Variants in ASXL3 observed in about 807,000 individuals in gnomAD.
ASXL3 encodes putative Polycomb group protein ASXL3.
In ASXL3, 34 loss-of-function variants were observed where a neutral mutation model predicts 170.6. The ratio of observed to expected loss-of-function variants is 0.20; its 90% CI spans 0.15 to 0.27. The LOEUF is 0.27. Ranked by LOEUF, ASXL3 falls within the 10% of genes least tolerant of loss-of-function variation. ASXL3 has a pLI of 1.00. For missense variants in ASXL3, 2,592 were observed against 2,695.3 expected, an observed-to-expected ratio of 0.96 and a Z score of 0.85; for synonymous variants, 1,002 against 989.1, an observed-to-expected ratio of 1.01 and a Z score of -0.24.
At chr18:33,690,274 G>T (rs2066666721) in intron 8 of ASXL3, 1 of 152,106 alleles carries the variant, frequency 6.6e-6, no homozygotes, top group Non-Finnish European at 1.5e-5. Context: ...AAGAAGCCAT[G>T]GTTCCCATTA....
chr18:33,674,558 A>T (rs983618211), intron 7 of ASXL3, among the ~76,000 whole-genome samples: 4 of 152,310 alleles, frequency 2.6e-5, no homozygotes, highest in African/African-American at 9.6e-5. Flanking sequence ...GCAGTAGAAA[A>T]TGAAAAAACA....
At position 33,732,145 on chromosome 18, in the gene ASXL3, A is replaced by G. The variant is rs1359201829; in HGVS notation, c.976+81A>G. 4.6e-6 allele frequency: 5 copies of G among 1,079,598 alleles called. No homozygotes were observed. The South Asian group carries it at 6.7e-5, about 14-fold the overall frequency. 66.9% of individuals were successfully genotyped at this position (1,079,598 alleles called of 1,614,324 possible). ...AGCTTGTACCTTTCTCTGATTTTTC[A>G]GTCTTTTCCCCGACACAGTACACTT... is the stretch of plus-strand genomic sequence containing the variant. On this transcript the variant is annotated intron_variant, in intron 9 of 11. Transcript: ENST00000269197.
chr18:33,746,760 G>GA lies in ASXL3; in HGVS notation c.*166dup. On this transcript the variant is annotated 3_prime_UTR_variant, in exon 12 of 12. Transcript: ENST00000269197. ...ATTTTCTTGCATTTCTCATAAAGGGGAGGATGCATCCCAACTGAATGGCTC... is the reference window on the plus strand; with the variant it reads ...ATTTTCTTGCATTTCTCATAAAGGGGAAGGATGCATCCCAACTGAATGGCTC... 4 of 1,158,048 alleles carry GA rather than the reference G, an allele frequency of 3.5e-6. No individual in the cohort carries two copies. The highest frequency in any genetic ancestry group is 4.7e-6 in the Non-Finnish European group (4 of 859,560). 71.7% of individuals were successfully genotyped at this position (1,158,048 alleles called of 1,614,324 possible).
In ASXL3 at chr18:33,661,763, G is replaced by T. The variant is rs758482621; in HGVS notation, c.477+26G>T. On this transcript the variant is annotated intron_variant, in intron 5 of 11. Coordinates refer to ENST00000269197, the MANE Select transcript of ASXL3 (RefSeq NM_030632.3). ...GTAAGATAGCTGCCATTTATTCTTTGTCCTTCAGTTCTGCATACTTAAGGT... is the reference window on the plus strand; with the variant it reads ...GTAAGATAGCTGCCATTTATTCTTTTTCCTTCAGTTCTGCATACTTAAGGT... The T allele has an allele frequency of 8.1e-6, 13 of 1,607,168 alleles. No individual in the cohort carries two copies. The African/African-American group carries it at 1.5e-4, about 18-fold the overall frequency.
At chr18:33,729,908 C>G (rs540973721) in intron 8 of ASXL3, among the ~76,000 whole-genome samples, 10 of 152,234 alleles carry the variant, frequency 6.6e-5, no homozygotes, top group African/African-American at 2.4e-4. Context: ...GTTCCCAACA[C>G]CCTTCTGTCC....
intron 2 of ASXL3, among the ~76,000 whole-genome samples, chr18:33,617,269 A>G (rs141159459): frequency 1.2e-3 from 181 of 152,178 alleles, no homozygotes; most frequent in African/African-American, 4.0e-3. Flanking sequence ...GGGTGGGCGT[A>G]TTGCTTAAGG....
chr18:33,635,732 CA>C (rs897836454), intron 2 of ASXL3, among the ~76,000 whole-genome samples: 4 of 152,094 alleles, frequency 2.6e-5, no homozygotes, highest in South Asian at 2.1e-4. Flanking sequence ...GCAGGGTATG[CA>C]AATATAAGAT....
At chr18:33,726,586 AGTTTGGATT>A (rs1248055878) in intron 8 of ASXL3, among the ~76,000 whole-genome samples, 2 of 152,196 alleles carry the variant, frequency 1.3e-5, no homozygotes, top group Non-Finnish European at 2.9e-5. Context: ...TATTTTCGAT[AGTTTGGATT>A]AAGAAAATGC....
At position 33,744,758 on chromosome 18, in the gene ASXL3, G is replaced by A. The variant is rs368518190; in HGVS notation, c.4910G>A (p.Ser1637Asn). The change falls in exon 12 of 12, where the codon AGC (serine) becomes AAC (asparagine). Residue 1637 changes from serine to asparagine, a missense_variant. By Grantham distance (46) the Ser-to-Asn change is conservative. Around this residue, in one of 4 missense-constraint regions of ASXL3, gnomAD observed 2,246 missense variants for 2,219.6 expected, o/e 1.01. Coordinates refer to ENST00000269197, the MANE Select transcript of ASXL3 (RefSeq NM_030632.3). ...AAACAAAAAGAATATCTAGAGCAAA[G>A]CTGTCCAAAGGCTATCAAAACTGAA... ...SSKQKEYLEQ[S>N]CPKAIKTEHA... The A allele has an allele frequency of 6.2e-7, 1 of 1,614,014 alleles. No homozygotes were observed. Among genetic ancestry groups the A allele is most frequent in the South Asian group, 1.1e-5 (1 of 91,084 alleles).
In ASXL3 at chr18:33,596,969, C is replaced by T. The variant is rs145141285; in HGVS notation, c.55-10625C>T. Among the ~76,000 whole-genome samples the T allele has an allele frequency of 4.6e-5, 7 of 152,190 alleles. No individual in the cohort carries two copies. In the South Asian group the frequency reaches 8.3e-4, roughly 18 times the overall value. Reference sequence around the variant, plus strand: ...TAGCTAGGACTAGCACGTGCCACCACGCTTGGCTAATTTTTTTATCTTTTT... The same window carrying T: ...TAGCTAGGACTAGCACGTGCCACCATGCTTGGCTAATTTTTTTATCTTTTT... On this transcript the variant is annotated intron_variant, in intron 1 of 11. Coordinates refer to ENST00000269197, the MANE Select transcript of ASXL3 (RefSeq NM_030632.3).
chr18:33,743,450 A>C lies in ASXL3; in HGVS notation c.3602A>C (p.His1201Pro). The change falls in exon 12 of 12, where the codon CAT (histidine) becomes CCT (proline). Residue 1201 changes from histidine to proline, a missense_variant. Physicochemically the swap from His to Pro is moderately conservative, Grantham distance 77. This residue lies in a region of ASXL3 where 2,246 missense variants were observed against 2,219.6 expected (regional missense o/e 1.01). Coordinates refer to ENST00000269197, the MANE Select transcript of ASXL3 (RefSeq NM_030632.3). ...GAAACTGCCACTGACTTATCTGTGC[A>C]TAGTTCTGATGAAAACATACCTGTG... Reference protein sequence around the residue: ...LPETATDLSVHSSDENIPVSH... With the variant: ...LPETATDLSVPSSDENIPVSH... 1 of 1,613,584 alleles carries C rather than the reference A, an allele frequency of 6.2e-7. No individual in the cohort carries two copies. Among genetic ancestry groups the C allele is most frequent in the Non-Finnish European group, 8.5e-7 (1 of 1,179,898 alleles).
In ASXL3 at chr18:33,607,600, GA is replaced by G; in HGVS notation, c.66del (p.Lys22AsnfsTer7). 6.3e-7 allele frequency: 1 copy of G among 1,583,608 alleles called. No homozygotes were observed. The highest frequency in any genetic ancestry group is 1.8e-5 in the Admixed American group (1 of 56,050). ...TCTTATGTTTATATTTTAGGCACTA[GA>G]AAAACACCCCAACTCACCAATGACA... Reference protein sequence around the residue: ...TWAEAARLALEKHPNSPMTAK... With the variant: ...TWAEAARLALXKHPNSPMTAK... On this transcript the variant is annotated frameshift_variant, in exon 2 of 12. Transcript: ENST00000269197. LOFTEE classifies it high-confidence loss of function.
At chr18:33,644,854 A>C in intron 2 of ASXL3, 40 bp from the exon 3 acceptor site, 1 of 1,313,786 alleles carries the variant, frequency 7.6e-7, no homozygotes, top group Non-Finnish European at 1.1e-6. Flanking sequence ...TAGAAGCTGT[A>C]CCTCAGACTG....
chr18:33,744,151 G>A lies in ASXL3; in HGVS notation c.4303G>A (p.Glu1435Lys), dbSNP rs144287211. 127 of 1,614,018 alleles carry A rather than the reference G, an allele frequency of 7.9e-5. 1 individual carries two copies. The East Asian group carries it at 2.8e-3, about 36-fold the overall frequency. Residue 1435 changes from glutamate to lysine, a missense_variant, in exon 12 of 12, where the codon GAA (glutamate) becomes AAA (lysine). Physicochemically the swap from Glu to Lys is moderately conservative, Grantham distance 56 (BLOSUM62 1). Coordinates refer to ENST00000269197, the MANE Select transcript of ASXL3 (RefSeq NM_030632.3). ...TGATAGTCCTCCCAAGTTAAGTGCT[G>A]AAAGCTTGGACAAAAATTCAGGGCC... ...SYDSPPKLSA[E>K]SLDKNSGPRN...
intron 2 of ASXL3, among the ~76,000 whole-genome samples, chr18:33,636,103 G>T (rs1305768559): frequency 1.3e-5 from 2 of 152,162 alleles, no homozygotes; most frequent in Non-Finnish European, 2.9e-5. Flanking sequence ...GTCGTAAAAG[G>T]CTTCCCCATA....
chr18:33,734,552 T>C (rs1003087604), intron 10 of ASXL3, 137 bp downstream of exon 10: 7 of 464,108 alleles, frequency 1.5e-5, no homozygotes, highest in African/African-American at 4.1e-5. Context: ...GTGTAAGAAA[T>C]TGCAGATGAA....
chr18:33,646,462 T>A, intron 4 of ASXL3, 109 bp downstream of exon 4: 2 of 755,726 alleles, frequency 2.6e-6, no homozygotes, highest in Middle Eastern at 2.8e-4. Flanking sequence ...AGTTTTCTTC[T>A]AAATTTTTAC....
At chr18:33,609,514 T>C (rs557807836) in intron 2 of ASXL3, among the ~76,000 whole-genome samples, 29 of 152,138 alleles carry the variant, frequency 1.9e-4, no homozygotes, top group Admixed American at 3.9e-4. Flanking sequence ...ATTTCAATTT[T>C]TTCAAAATGC....
rs117801307 is a variant in ASXL3, at chr18:33,595,387, A to G, written c.55-12207A>G. On this transcript the variant is annotated intron_variant, in intron 1 of 11. Coordinates refer to ENST00000269197, the MANE Select transcript of ASXL3 (RefSeq NM_030632.3). Reference sequence around the variant, plus strand: ...CTTTCTGTTAATCTAAAGGAAGGAGATAAGTTAGCATCTGACTTAAAAGCA... The same window carrying G: ...CTTTCTGTTAATCTAAAGGAAGGAGGTAAGTTAGCATCTGACTTAAAAGCA... 2.0e-3 allele frequency among the ~76,000 whole-genome samples: 303 copies of G among 152,302 alleles called. 4 individuals carry two copies. Among genetic ancestry groups the G allele is most frequent in the South Asian group, 3.5e-3 (17 of 4,828 alleles).
Sources: allele counts gnomAD v4.1 joint callset (sites outside exome capture counted in the v4.1 genomes callset), GRCh38; gene constraint gnomAD v4.1.1; regional missense constraint gnomAD v4.1.1; transcripts MANE v1.5; gene names NCBI Gene and HGNC (gene_info 2026-07-23, HGNC 2026-07-21).